The following SMAD3 variants were observed in gnomAD, a reference collection of about 807,000 sequenced individuals.
SMAD3 encodes the protein MAD homolog 3.
A neutral mutation model predicts 51.8 loss-of-function variants in SMAD3; 12 were observed. The ratio of observed to expected loss-of-function variants is 0.23; its 90% confidence interval spans 0.15 to 0.38. The LOEUF is 0.38. Ranked by LOEUF, SMAD3 falls within the 10% of genes least tolerant of loss-of-function variation. SMAD3 has a pLI of 1.00. For missense variants in SMAD3, 294 were observed against 565.6 expected (o/e 0.52, Z 4.87); for synonymous variants, 238 against 227.7 (o/e 1.05, Z -0.41).
At chr15:67,138,303 T>G in intron 1 of SMAD3, 12 of 509,584 alleles carry the variant, frequency 2.4e-5, no homozygotes, top group East Asian at 3.4e-5. Flanking sequence ...CAGGGCCCTC[T>G]GCCTGGTTCT....
chr15:67,082,254 CA>C (rs1960294479), intron 1 of SMAD3, among the ~76,000 whole-genome samples: 1 of 152,104 alleles, frequency 6.6e-6, no homozygotes, highest in Non-Finnish European at 1.5e-5. Flanking sequence ...AGAAACAGAG[CA>C]GGGGGACTGT....
intron 1 of SMAD3, among the ~76,000 whole-genome samples, chr15:67,130,534 A>G (rs1023630655): frequency 6.6e-6 from 1 of 152,200 alleles, no homozygotes; most frequent in East Asian, 1.9e-4. Context: ...TGCACACTCC[A>G]TATCAGAATC....
At position 67,066,087 on chromosome 15, in the gene SMAD3, C is replaced by A; in HGVS notation, c.-68C>A. ...GGCCCCGGCCGAGCTCCCCTCTGCG[C>A]CCCCGGCGTCCCGTCGAGCCCAGCC... On this transcript the variant is annotated 5_prime_UTR_variant, in exon 1 of 9. Transcript: ENST00000327367. 1 of 1,254,208 alleles carries A rather than the reference C, an allele frequency of 8.0e-7. No homozygotes were observed. Among genetic ancestry groups the A allele is most frequent in the Middle Eastern group, 2.7e-4 (1 of 3,650 alleles). The allele number at this position is 1,254,208 out of a possible 1,614,324, so 77.7% of individuals were successfully genotyped here.
intron 1 of SMAD3, among the ~76,000 whole-genome samples, chr15:67,151,246 C>T (rs1027507588): frequency 5.9e-5 from 9 of 152,142 alleles, no homozygotes; most frequent in Admixed American, 4.6e-4. Flanking sequence ...AGCCTGTTTT[C>T]TTTTCTTTGG....
At chr15:67,161,723 A>G (rs1962435991) in intron 1 of SMAD3, among the ~76,000 whole-genome samples, 1 of 152,176 alleles carries the variant, frequency 6.6e-6, no homozygotes, top group Non-Finnish European at 1.5e-5. Flanking sequence ...CTGCTGTGAT[A>G]GAGAATAATA....
intron 8 of SMAD3, among the ~76,000 whole-genome samples, chr15:67,190,021 C>T (rs1013425476): frequency 2.0e-5 from 3 of 151,928 alleles, no homozygotes; most frequent in East Asian, 1.9e-4. Context: ...GGGAGCGGCA[C>T]GTGCCCGTTT....
At chr15:67,156,670 G>A (rs1346646787) in intron 1 of SMAD3, among the ~76,000 whole-genome samples, 3 of 147,970 alleles carry the variant, frequency 2.0e-5, no homozygotes, top group Non-Finnish European at 4.5e-5. Flanking sequence ...AAACCCAGCA[G>A]CTTAAATCCA....
intron 1 of SMAD3, among the ~76,000 whole-genome samples, chr15:67,091,330 G>A (rs1017057940): frequency 5.3e-5 from 8 of 152,328 alleles, no homozygotes; most frequent in African/African-American, 1.9e-4. Flanking sequence ...CTGCCTCCAC[G>A]GTAACAAATG....
chr15:67,164,544 C>T (rs559849434), intron 1 of SMAD3, among the ~76,000 whole-genome samples: 43 of 152,262 alleles, frequency 2.8e-4, no homozygotes, highest in African/African-American at 1.0e-3. Flanking sequence ...AGTAGGAAGC[C>T]GATGAGTGGC....
intron 1 of SMAD3, among the ~76,000 whole-genome samples, chr15:67,080,668 G>A (rs1960261497): frequency 6.6e-6 from 1 of 152,214 alleles, no homozygotes; most frequent in Non-Finnish European, 1.5e-5. Flanking sequence ...AAGAATTTTG[G>A]AAGGCCTTGA....
Position 67,123,668 on chromosome 15 carries a change from C to T in SMAD3, c.207-41227C>T, listed in dbSNP as rs1310372859. 3.3e-5 allele frequency among the ~76,000 whole-genome samples: 5 copies of T among 152,214 alleles called. No homozygotes were observed. In the South Asian group the frequency reaches 8.3e-4, roughly 25 times the overall value. ...AGTACATAGGAGGCACTCAGATAGA[C>T]GGGATGCCCCAAAATTGGGAGACGG... On this transcript the variant is annotated intron_variant, in intron 1 of 8. Transcript: ENST00000327367.
chr15:67,193,702 T>G lies in SMAD3; in HGVS notation c.*3166T>G, dbSNP rs940395721. On this transcript the variant is annotated 3_prime_UTR_variant, in exon 9 of 9. Coordinates refer to ENST00000327367, the MANE Select transcript of SMAD3 (RefSeq NM_005902.4). ...TATGTTGTCTGTGTTGTATTTTTTTTTTTTTATTGACCATGGTGATTATTT... is the reference window on the plus strand; with the variant it reads ...TATGTTGTCTGTGTTGTATTTTTTTGTTTTTATTGACCATGGTGATTATTT... The G allele has an allele frequency of 4.3e-6, 1 of 233,504 alleles. No individual in the cohort carries two copies. Among genetic ancestry groups the G allele is most frequent in the African/African-American group, 2.2e-5 (1 of 45,330 alleles). The allele number at this position is 233,504 out of a possible 1,614,324, so 14.5% of individuals were successfully genotyped here. A position where few individuals can be genotyped will look rare whatever the true frequency, so the allele number is the denominator to read the frequency against.
intron 1 of SMAD3, among the ~76,000 whole-genome samples, chr15:67,123,113 C>T (rs930171209): frequency 9.6e-5 from 14 of 145,558 alleles, no homozygotes; most frequent in African/African-American, 3.3e-4. Context: ...TGTAAGGTTG[C>T]TTGAGCCAGG....
intron 1 of SMAD3, among the ~76,000 whole-genome samples, chr15:67,109,216 A>G (rs1960947563): frequency 6.6e-6 from 1 of 152,326 alleles, no homozygotes; most frequent in East Asian, 1.9e-4. Flanking sequence ...CATAATTTTC[A>G]TTGTAAGTTC....
At chr15:67,121,049 T>G (rs1225245595) in intron 1 of SMAD3, among the ~76,000 whole-genome samples, 2 of 152,198 alleles carry the variant, frequency 1.3e-5, no homozygotes, top group Non-Finnish European at 2.9e-5. Flanking sequence ...TTGTCTTGCA[T>G]GTTTTCAGGC....
At chr15:67,089,329 A>C (rs1294451987) in intron 1 of SMAD3, among the ~76,000 whole-genome samples, 1 of 152,038 alleles carries the variant, frequency 6.6e-6, no homozygotes, top group Non-Finnish European at 1.5e-5. Context: ...AATTTCCTTC[A>C]ATCTATGCCA....
chr15:67,079,651 T>C (rs1355250544), intron 1 of SMAD3, among the ~76,000 whole-genome samples: 2 of 152,152 alleles, frequency 1.3e-5, no homozygotes, highest in Admixed American at 1.3e-4. Flanking sequence ...GTGATCTCCT[T>C]GATCTTATTT....
chr15:67,166,056 T>G (rs192153230), intron 3 of SMAD3: 2 of 387,742 alleles, frequency 5.2e-6, no homozygotes, highest in Admixed American at 1.1e-4. Flanking sequence ...CATTCTAATT[T>G]GGACGTGACG....
chr15:67,166,279 C>A, intron 3 of SMAD3: 1 of 557,796 alleles, frequency 1.8e-6, no homozygotes, highest in Non-Finnish European at 2.4e-6. Context: ...ATAGATCACA[C>A]TGTCTTTGCC....
Sources: gnomAD v4.1 joint callset for allele counts (sites outside exome capture counted in the v4.1 genomes callset) on GRCh38, gnomAD v4.1.1 for gene constraint, MANE v1.5 for transcripts, NCBI Gene and HGNC (gene_info 2026-07-23, HGNC 2026-07-21) for gene names.